SYT14: variants seen among roughly 807,000 people sequenced by gnomAD.
The protein encoded by SYT14 is synaptotagmin 14, also known as synaptotagmin-14.
A neutral mutation model predicts 74.2 loss-of-function variants in SYT14; 32 were observed. The ratio of observed to expected loss-of-function variants is 0.43; its 90% confidence interval spans 0.33 to 0.58. SYT14 has a LOEUF of 0.58. Among genes scored for constraint, SYT14 ranks in the 20% least tolerant of loss-of-function variants. The pLI is 0.05. For missense variants in SYT14, 791 were observed against 981.8 expected (o/e 0.81, Z 2.60); for synonymous variants, 298 against 337.7 (o/e 0.88, Z 1.29).
At chr1:209,999,754 T>C (rs1359853017) in intron 2 of SYT14, among the ~76,000 whole-genome samples, 1 of 151,978 alleles carries the variant, frequency 6.6e-6, no homozygotes, top group Non-Finnish European at 1.5e-5. Flanking sequence ...CTCAGAATGG[T>C]GTATATGGTA....
chr1:210,124,857 G>GT (rs201643168), intron 7 of SYT14, among the ~76,000 whole-genome samples: 4 of 150,714 alleles, frequency 2.7e-5, no homozygotes, highest in Non-Finnish European at 4.4e-5. Context: ...GCCCTTTCTA[G>GT]TTTTTTTTGT....
intron 2 of SYT14, among the ~76,000 whole-genome samples, chr1:209,999,824 G>A (rs1256208991): frequency 1.3e-5 from 2 of 152,072 alleles, no homozygotes; most frequent in Non-Finnish European, 2.9e-5. Context: ...GAAGGAATAA[G>A]TTCTAATGTT....
At position 210,013,866 on chromosome 1, in the gene SYT14, T is replaced by C. The variant is rs577021652; in HGVS notation, c.-321+69T>C. 4,671 of 1,484,512 alleles carry C rather than the reference T, an allele frequency of 3.1e-3. 41 individuals are homozygous for C. Among genetic ancestry groups the C allele is most frequent in the South Asian group, 0.018 (1,401 of 78,386 alleles). 92.0% of individuals were successfully genotyped at this position (1,484,512 alleles called of 1,614,324 possible). On this transcript the variant is annotated intron_variant, in intron 3 of 9. Transcript: ENST00000637265. The stretch of plus-strand genomic sequence containing the variant: ...GTACTATTATTTACTTATTTTAATA[T>C]ATGCAATAAAAAGGTTGGTTGTGAC...
At chr1:209,993,243 C>T (rs1481591769) in intron 2 of SYT14, among the ~76,000 whole-genome samples, 1 of 152,200 alleles carries the variant, frequency 6.6e-6, no homozygotes, top group East Asian at 1.9e-4. Context: ...CGCCATGGAA[C>T]AGGGGCACAT....
chr1:209,989,392 G>A (rs1441834005), intron 2 of SYT14, among the ~76,000 whole-genome samples: 1 of 152,138 alleles, frequency 6.6e-6, no homozygotes, highest in Non-Finnish European at 1.5e-5. Flanking sequence ...TTGGAAATTG[G>A]ACAATGTAGG....
chr1:209,945,793 T>A (rs1266462405), intron 1 of SYT14, among the ~76,000 whole-genome samples: 1 of 152,160 alleles, frequency 6.6e-6, no homozygotes, highest in African/African-American at 2.4e-5. Context: ...AATTTTGAGG[T>A]TTAATTCCAT....
chr1:210,086,558 A>G (rs1010725270), intron 5 of SYT14, among the ~76,000 whole-genome samples: 1 of 152,190 alleles, frequency 6.6e-6, no homozygotes, highest in Non-Finnish European at 1.5e-5. Flanking sequence ...TTCTAGGCTC[A>G]TCATGTACTT....
intron 7 of SYT14, among the ~76,000 whole-genome samples, chr1:210,101,826 T>G (rs1283723737): frequency 6.6e-6 from 1 of 152,158 alleles, no homozygotes; most frequent in Admixed American, 6.5e-5. Context: ...GAAATCTCAT[T>G]TAAATTAGAA....
chr1:209,990,525 A>ATT (rs2079645781), intron 2 of SYT14, among the ~76,000 whole-genome samples: 1 of 96,566 alleles, frequency 1.0e-5, no homozygotes, highest in Non-Finnish European at 2.1e-5. Context: ...AATATTTCAC[A>ATT]TATATATATA....
At chr1:210,144,496 G>A (rs977432230) in intron 7 of SYT14, among the ~76,000 whole-genome samples, 16 of 151,950 alleles carry the variant, frequency 1.1e-4, no homozygotes, top group Non-Finnish European at 1.6e-4. Context: ...TTCCTTACGA[G>A]TACACTATAT....
intron 1 of SYT14, among the ~76,000 whole-genome samples, chr1:209,950,044 T>C (rs758331097): frequency 6.6e-6 from 1 of 152,074 alleles, no homozygotes; most frequent in Admixed American, 6.6e-5. Context: ...TTATTGTTAC[T>C]GTACATACTA....
At chr1:210,165,722 T>C (rs754713196) in exon 10 of SYT14, 2 of 152,220 alleles carry the variant, frequency 1.3e-5, no homozygotes, top group Non-Finnish European at 2.9e-5. Context: ...TCCCCCTAGG[T>C]AAGTAGTCAA....
intron 5 of SYT14, among the ~76,000 whole-genome samples, chr1:210,052,834 AT>A (rs1397966396): frequency 6.6e-6 from 1 of 152,084 alleles, no homozygotes; most frequent in Non-Finnish European, 1.5e-5. Flanking sequence ...TAAATAAAAA[AT>A]AGTTCCATAT....
intron 2 of SYT14, among the ~76,000 whole-genome samples, chr1:210,001,054 G>A (rs1223682498): frequency 6.6e-6 from 1 of 152,178 alleles, no homozygotes; most frequent in East Asian, 1.9e-4. Context: ...ATGGAGGCTA[G>A]AATTGAATGT....
intron 5 of SYT14, among the ~76,000 whole-genome samples, chr1:210,043,323 A>G (rs1394031327): frequency 3.3e-5 from 5 of 152,152 alleles, no homozygotes; most frequent in Non-Finnish European, 4.4e-5. Context: ...ATCTGTTCCA[A>G]TTTCTAAGAG....
chr1:209,988,695 C>A (rs906213768), intron 2 of SYT14, among the ~76,000 whole-genome samples: 3 of 152,186 alleles, frequency 2.0e-5, no homozygotes, highest in Non-Finnish European at 4.4e-5. Context: ...TAATCAGTGG[C>A]TCATAAGGTT....
chr1:210,168,686 TC>T, exon 10 of SYT14: 1 of 152,322 alleles, frequency 6.6e-6, no homozygotes, highest in South Asian at 2.1e-4. Flanking sequence ...GCCATTCACA[TC>T]TGGTTGAAGG....
chr1:210,060,203 A>G (rs1303044422), intron 5 of SYT14, among the ~76,000 whole-genome samples: 1 of 152,142 alleles, frequency 6.6e-6, no homozygotes, highest in African/African-American at 2.4e-5. Flanking sequence ...TGTATAAACT[A>G]TTACCTTAGG....
chr1:209,983,973 T>A (rs2079531952), intron 2 of SYT14, among the ~76,000 whole-genome samples: 1 of 152,184 alleles, frequency 6.6e-6, no homozygotes, highest in African/African-American at 2.4e-5. Context: ...TTCTTTTTCC[T>A]TATATCTGTG....
Sources: gnomAD v4.1 joint callset for allele counts (sites outside exome capture counted in the v4.1 genomes callset) on GRCh38, gnomAD v4.1.1 for gene constraint, MANE v1.5 for transcripts, NCBI Gene and HGNC (gene_info 2026-07-23, HGNC 2026-07-21) for gene names.